TMEM65: variants seen among roughly 807,000 people sequenced by gnomAD.
The protein encoded by TMEM65 is transmembrane protein 65.
A neutral mutation model predicts 25.4 loss-of-function variants in TMEM65; 22 were observed. The observed-to-expected ratio is 0.86, with a 90% CI of 0.62 to 1.23. The LOEUF is 1.23. Among genes scored for constraint, TMEM65 ranks in the 50% most tolerant of loss-of-function variants. The probability of loss-of-function intolerance (pLI) is 0.00; values close to 1 mark genes in which losing one functional copy is unlikely to be tolerated. For missense variants in TMEM65, 262 were observed against 308.2 expected (o/e 0.85, Z 1.12); for synonymous variants, 132 against 126.2 (o/e 1.05, Z -0.31).
At chr8:124,344,998 C>G (rs1814625855) in intron 1 of TMEM65, among the ~76,000 whole-genome samples, 1 of 152,138 alleles carries the variant, frequency 6.6e-6, no homozygotes, top group African/African-American at 2.4e-5. Flanking sequence ...GTCAATCTCT[C>G]AAAATTGAGA....
intron 1 of TMEM65, among the ~76,000 whole-genome samples, chr8:124,355,213 T>C (rs1326364053): frequency 6.6e-6 from 1 of 152,128 alleles, no homozygotes; most frequent in East Asian, 1.9e-4. Flanking sequence ...ATTCACCTTT[T>C]TTCAAATTGT....
chr8:124,329,347 C>T (rs1233772782), intron 2 of TMEM65, among the ~76,000 whole-genome samples: 2 of 151,684 alleles, frequency 1.3e-5, no homozygotes, highest in Non-Finnish European at 2.9e-5. Context: ...TAAAAAATCA[C>T]TAAATAAAAC....
intron 1 of TMEM65, among the ~76,000 whole-genome samples, chr8:124,348,425 A>G (rs1814666685): frequency 6.6e-6 from 1 of 152,266 alleles, no homozygotes; most frequent in African/African-American, 2.4e-5. Flanking sequence ...TAAAGAAAAT[A>G]ATTACTATAT....
At chr8:124,324,895 T>C (rs1242943812) in intron 3 of TMEM65, among the ~76,000 whole-genome samples, 1 of 152,036 alleles carries the variant, frequency 6.6e-6, no homozygotes, top group African/African-American at 2.4e-5. Flanking sequence ...TATACCTGGT[T>C]CATTATCCTT....
Position 124,306,930 on chromosome 8 carries a change from C to T in TMEM65, c.*7030G>A, listed in dbSNP as rs1168759295. On this transcript the variant is annotated 3_prime_UTR_variant, in exon 7 of 7. Coordinates refer to ENST00000297632, the MANE Select transcript of TMEM65 (RefSeq NM_194291.3). Reference sequence around the variant, plus strand: ...TGCCACTGCACTCCAGCCTGGACAACAGAGCAAGACTCCATCTCAAAAAAA... The same window carrying T: ...TGCCACTGCACTCCAGCCTGGACAATAGAGCAAGACTCCATCTCAAAAAAA... The T allele has an allele frequency of 6.6e-6, 1 of 150,778 alleles. No individual in the cohort carries two copies. Among genetic ancestry groups the T allele is most frequent in the Non-Finnish European group, 1.5e-5 (1 of 67,884 alleles). 9.3% of individuals were successfully genotyped at this position (150,778 alleles called of 1,614,324 possible).
intron 1 of TMEM65, among the ~76,000 whole-genome samples, chr8:124,345,663 G>A (rs954369885): frequency 2.7e-4 from 41 of 152,164 alleles, no homozygotes; most frequent in South Asian, 6.2e-4. Flanking sequence ...TAACATTACC[G>A]TATTAATCCA....
chr8:124,341,738 C>T (rs1193626473), intron 1 of TMEM65, among the ~76,000 whole-genome samples: 1 of 151,950 alleles, frequency 6.6e-6, no homozygotes, highest in Non-Finnish European at 1.5e-5. Flanking sequence ...GACTACTGTT[C>T]ACAGTGACCT....
intron 1 of TMEM65, among the ~76,000 whole-genome samples, chr8:124,343,607 C>G (rs1375252389): frequency 6.6e-6 from 1 of 152,062 alleles, no homozygotes; most frequent in East Asian, 1.9e-4. Context: ...CTAGACTCTT[C>G]AGACTGTATA....
chr8:124,354,343 T>C (rs1168384711), intron 1 of TMEM65, among the ~76,000 whole-genome samples: 1 of 152,194 alleles, frequency 6.6e-6, no homozygotes, highest in East Asian at 1.9e-4. Flanking sequence ...ATCAGAGTAT[T>C]AGATGGTAGT....
At chr8:124,314,353 C>T (rs75911166) in intron 6 of TMEM65, among the ~76,000 whole-genome samples, 5 of 152,170 alleles carry the variant, frequency 3.3e-5, no homozygotes, top group East Asian at 1.9e-4. Context: ...ACTGAATTGA[C>T]GGGTCTATAT....
rs1814139424 is a variant in TMEM65 at position 124,310,214 on chromosome 8, G to T, written c.*3746C>A. On this transcript the variant is annotated 3_prime_UTR_variant, in exon 7 of 7. Transcript: ENST00000297632. ...TCCCCTATTACTACCCACCCCAAAA[G>T]AATAAGCTTCATGAGGGTACAGATG... is the stretch of plus-strand genomic sequence containing the variant. The T allele has an allele frequency of 6.6e-6, 1 of 152,230 alleles. No individual in the cohort carries two copies. Among genetic ancestry groups the T allele is most frequent in the South Asian group, 2.1e-4 (1 of 4,824 alleles). 9.4% of individuals were successfully genotyped at this position (152,230 alleles called of 1,614,324 possible).
At position 124,311,506 on chromosome 8, in the gene TMEM65, A is replaced by G. The variant is rs1239204444; in HGVS notation, c.*2454T>C. On this transcript the variant is annotated 3_prime_UTR_variant, in exon 7 of 7. Transcript: ENST00000297632. ...TGCATCAACAAGTTAATAAATCATAATACATGGACAACACAAATTTAAACA... is the reference window on the plus strand; with the variant it reads ...TGCATCAACAAGTTAATAAATCATAGTACATGGACAACACAAATTTAAACA... The G allele has an allele frequency of 6.6e-6, 1 of 152,646 alleles. No homozygotes were observed. Among genetic ancestry groups the G allele is most frequent in the Non-Finnish European group, 1.5e-5 (1 of 68,020 alleles). 9.5% of individuals were successfully genotyped at this position (152,646 alleles called of 1,614,324 possible). A position where few individuals can be genotyped will look rare whatever the true frequency, so the allele number is the denominator to read the frequency against.
chr8:124,323,413 C>G, intron 3 of TMEM65, 38 bp from the exon 4 acceptor site: 1 of 1,181,066 alleles, frequency 8.5e-7, no homozygotes, highest in Non-Finnish European at 1.2e-6. Flanking sequence ...AAAATTAAAG[C>G]TGAAGTGACT....
intron 1 of TMEM65, among the ~76,000 whole-genome samples, chr8:124,357,647 A>T (rs917985292): frequency 3.9e-5 from 6 of 152,136 alleles, no homozygotes; most frequent in African/African-American, 1.4e-4. Flanking sequence ...GGAGACTAAG[A>T]TATGTTACCA....
chr8:124,316,732 T>A (rs182799788), intron 6 of TMEM65, among the ~76,000 whole-genome samples: 77 of 152,288 alleles, frequency 5.1e-4, no homozygotes, highest in African/African-American at 9.6e-4. Flanking sequence ...AAACTTCTGA[T>A]CCCAACTTTA....
chr8:124,320,593 T>C (rs2131196387), intron 5 of TMEM65, among the ~76,000 whole-genome samples: 1 of 152,276 alleles, frequency 6.6e-6, no homozygotes, highest in Admixed American at 6.5e-5. Context: ...CTTTAACATA[T>C]GATACAAATT....
At chr8:124,352,852 T>G (rs1814729546) in intron 1 of TMEM65, among the ~76,000 whole-genome samples, 1 of 152,172 alleles carries the variant, frequency 6.6e-6, no homozygotes, top group African/African-American at 2.4e-5. Flanking sequence ...TTGGGCCGGG[T>G]CCAGTGGCTC....
intron 1 of TMEM65, among the ~76,000 whole-genome samples, chr8:124,370,689 C>T (rs1394437577): frequency 6.6e-6 from 1 of 152,178 alleles, no homozygotes; most frequent in Non-Finnish European, 1.5e-5. Flanking sequence ...TGAAGTAGTA[C>T]AGATAACGTC....
intron 1 of TMEM65, among the ~76,000 whole-genome samples, chr8:124,355,878 G>A (rs1274251792): frequency 6.6e-6 from 1 of 152,172 alleles, no homozygotes; most frequent in Non-Finnish European, 1.5e-5. Flanking sequence ...AGGCAGAGTG[G>A]GAGATTTTGA....
Sources: gnomAD v4.1 joint callset for allele counts (sites outside exome capture counted in the v4.1 genomes callset) on GRCh38, gnomAD v4.1.1 for gene constraint, MANE v1.5 for transcripts, NCBI Gene and HGNC (gene_info 2026-07-23, HGNC 2026-07-21) for gene names.